Variants in DIP2A observed in about 807,000 individuals in gnomAD.
DIP2A encodes DIP2 acetate--CoA ligase A, also known as disco-interacting protein 2 homolog A.
DIP2A carries 85 observed loss-of-function variants against 177.4 expected under a neutral mutation model. The observed-to-expected ratio is 0.48, with a 90% CI of 0.40 to 0.57. The LOEUF (loss-of-function observed/expected upper bound fraction) is 0.57. Among genes scored for constraint, DIP2A ranks in the 20% least tolerant of loss-of-function variants. The pLI is 0.00. For missense variants in DIP2A, 1,791 were observed against 2,100.2 expected, an observed-to-expected ratio of 0.85 and a Z score of 2.88; for synonymous variants, 886 against 881.8, an observed-to-expected ratio of 1.00 and a Z score of -0.08.
At chr21:46,550,829 C>T in intron 23 of DIP2A, 85 bp downstream of exon 23, 1 of 1,375,782 alleles carries the variant, frequency 7.3e-7, no homozygotes, top group Non-Finnish European at 1.0e-6. Context: ...CCTGCTAGAC[C>T]TCCAGTGCCA....
chr21:46,577,810 GAGC>G, the DIP2A span, among the ~76,000 whole-genome samples: 1 of 152,184 alleles, frequency 6.6e-6, no homozygotes, highest in East Asian at 1.9e-4. Flanking sequence ...TGATTTCCTT[GAGC>G]AGTGGTTTGT....
chr21:46,495,240 T>TCTCTCTCTCTCTCTCTCTCTCTCTC (rs60545868), intron 3 of DIP2A, among the ~76,000 whole-genome samples: 1 of 47,894 alleles, frequency 2.1e-5, no homozygotes, highest in Non-Finnish European at 3.7e-5. Flanking sequence ...TTCTCTTCTC[T>TCTCTCTCTCTCTCTCTCTCTCTCTC]TCTTTCTCTC....
intron 25 of DIP2A, among the ~76,000 whole-genome samples, chr21:46,552,647 A>G (rs1369442405): frequency 6.6e-6 from 1 of 152,244 alleles, no homozygotes; most frequent in Non-Finnish European, 1.5e-5. Context: ...AATTAAAAAA[A>G]TACTTAATGA....
intron 21 of DIP2A, chr21:46,547,356 CT>C: frequency 2.7e-6 from 1 of 368,832 alleles, no homozygotes; most frequent in Non-Finnish European, 3.8e-6. Context: ...GTCTAAGTTC[CT>C]AATAACCTTG....
At chr21:46,538,430 G>A in intron 15 of DIP2A, 53 bp from the exon 16 acceptor site, 1 of 1,529,642 alleles carries the variant, frequency 6.5e-7, no homozygotes, top group Non-Finnish European at 8.8e-7. Flanking sequence ...GTAGGCGTGT[G>A]AGGGTGCCAG....
chr21:46,534,593 C>A lies in DIP2A; in HGVS notation c.1548C>A (p.Thr516=), dbSNP rs772933529. Residue 516 remains threonine, a synonymous_variant, in exon 13 of 38, where the codon ACC becomes ACA. Coordinates refer to ENST00000417564, the MANE Select transcript of DIP2A (RefSeq NM_015151.4). ...GTGTAYIEYK[T]SKEGSTVGVT... ...TCCTTGAAATCTTTCAGTATAAAACCAGCAAAGAAGGCAGTACGGTGGGGG... is the reference window on the plus strand; with the variant it reads ...TCCTTGAAATCTTTCAGTATAAAACAAGCAAAGAAGGCAGTACGGTGGGGG... 9.3e-6 allele frequency: 15 copies of A among 1,613,510 alleles called. No homozygotes were observed. Among genetic ancestry groups the A allele is most frequent in the Non-Finnish European group, 1.3e-5 (15 of 1,179,798 alleles).
chr21:46,460,921 T>G (rs2054240308), intron 1 of DIP2A, among the ~76,000 whole-genome samples: 1 of 152,022 alleles, frequency 6.6e-6, no homozygotes, highest in Non-Finnish European at 1.5e-5. Context: ...CTCAAACTCC[T>G]GACCTCAGGT....
Position 46,532,159 on chromosome 21 carries a change from G to C in DIP2A, c.1227G>C (p.Val409=), listed in dbSNP as rs753316767. The C allele has an allele frequency of 2.5e-6, 4 of 1,613,908 alleles. No homozygotes were observed. In the Admixed American group the frequency reaches 6.7e-5, roughly 27 times the overall value. The change falls in exon 10 of 38, where the codon GTG becomes GTC. Residue 409 remains valine (V), a synonymous_variant. Coordinates refer to ENST00000417564, the MANE Select transcript of DIP2A (RefSeq NM_015151.4). The part of the protein sequence containing the change: ...VALVFPNSDP[V]MFMVAFYGCL... ...TCGTGTTTCCGAATAGTGACCCTGT[G>C]ATGTTCATGGTTGCATTTTATGGGT...
chr21:46,546,438 A>T (rs1435534380), intron 20 of DIP2A: 1 of 397,190 alleles, frequency 2.5e-6, no homozygotes, highest in African/African-American at 2.1e-5. Flanking sequence ...TCTAGTGAGT[A>T]CCTAGAGGCC....
At chr21:46,464,762 G>A (rs1307623035) in intron 1 of DIP2A, among the ~76,000 whole-genome samples, 1 of 145,966 alleles carries the variant, frequency 6.9e-6, no homozygotes, top group Non-Finnish European at 1.5e-5. Flanking sequence ...AGGTTCTGCC[G>A]CTCAACACTG....
At chr21:46,497,633 T>A (rs887606126) in intron 4 of DIP2A, among the ~76,000 whole-genome samples, 2 of 152,238 alleles carry the variant, frequency 1.3e-5, no homozygotes, top group African/African-American at 4.8e-5. Flanking sequence ...ATTTTAGTCT[T>A]CCTGTTAAAC....
At chr21:46,550,848 C>T (rs1410177961) in intron 23 of DIP2A, 104 bp downstream of exon 23, 32 of 1,184,896 alleles carry the variant, frequency 2.7e-5, no homozygotes, top group African/African-American at 4.5e-5. Context: ...CAACTGCCCA[C>T]GTCTTTGGGG....
intron 9 of DIP2A, 99 bp downstream of exon 9, chr21:46,529,282 C>T (rs1257368008): frequency 1.3e-6 from 1 of 794,546 alleles, no homozygotes; most frequent in African/African-American, 1.8e-5. Flanking sequence ...GTTAGAATTA[C>T]AGCATTAATA....
Position 46,556,988 on chromosome 21 carries a change from G to T in DIP2A, c.3548G>T (p.Cys1183Phe). 1 of 1,601,326 alleles carries T rather than the reference G, an allele frequency of 6.2e-7. No homozygotes were observed. The highest frequency in any genetic ancestry group is 8.5e-7 in the Non-Finnish European group (1 of 1,173,706). The change falls in exon 30 of 38, where the codon TGT (cysteine) becomes TTT (phenylalanine). Residue 1183 changes from cysteine (C) to phenylalanine (F), a missense_variant. Coordinates refer to ENST00000417564, the MANE Select transcript of DIP2A (RefSeq NM_015151.4). This position sits in a 1 kb window ranked among gnomAD's most constrained non-coding sequence, Gnocchi z 4.5. ...SALCRSIKLQ[C>F]ELYPSRQIAI... ...TTATGCCGCTCCATAAAGCTGCAGTGTGAGCTGTACCCCTCGCGGCAGATC... is the reference window on the plus strand; with the variant it reads ...TTATGCCGCTCCATAAAGCTGCAGTTTGAGCTGTACCCCTCGCGGCAGATC...
At chr21:46,462,704 C>T (rs915710584) in intron 1 of DIP2A, 1 of 152,136 alleles carries the variant, frequency 6.6e-6, no homozygotes, top group South Asian at 2.1e-4. Flanking sequence ...TGTCACTGTG[C>T]TTGGTAGGTT....
rs182596648 is a variant in DIP2A at position 46,561,671 on chromosome 21, A to G, written c.4032-77A>G. ...ACAGACCCTCAGAGTGATCATTTCC[A>G]ACGTCATGATCTGCCCTTTCAGACA... On this transcript the variant is annotated intron_variant, in intron 33 of 37. Transcript: ENST00000417564. The G allele has an allele frequency of 4.4e-5, 68 of 1,544,276 alleles. 1 individual carries two copies. In the Admixed American group the frequency reaches 9.0e-4, roughly 20 times the overall value.
chr21:46,545,135 A>T lies in DIP2A; in HGVS notation c.2177-2A>T. On this transcript the variant is annotated splice_acceptor_variant, in intron 18 of 37. Transcript: ENST00000417564. LOFTEE classifies it high-confidence loss of function. ...AATTTTGAGTTTTTTTTCTCATTTT[A>T]GCTAATGTATGTGTTGTGAAGTTAG... The T allele has an allele frequency of 1.3e-6, 2 of 1,568,468 alleles. No homozygotes were observed. The highest frequency in any genetic ancestry group is 1.4e-5 in the African/African-American group (1 of 73,306).
At chr21:46,496,579 T>A (rs948836406) in intron 3 of DIP2A, among the ~76,000 whole-genome samples, 1 of 152,052 alleles carries the variant, frequency 6.6e-6, no homozygotes. Context: ...CTAAAAAAAA[T>A]TGCAAAAAAA....
chr21:46,460,645 C>T (rs967845313), intron 1 of DIP2A, among the ~76,000 whole-genome samples: 1 of 152,034 alleles, frequency 6.6e-6, no homozygotes, highest in Non-Finnish European at 1.5e-5. Flanking sequence ...CATGTACTTG[C>T]AACTATTTTG....
Sources: allele counts gnomAD v4.1 joint callset (sites outside exome capture counted in the v4.1 genomes callset), GRCh38; gene constraint gnomAD v4.1.1; non-coding constraint Gnocchi (gnomAD v3.1); transcripts MANE v1.5; gene names NCBI Gene and HGNC (gene_info 2026-07-23, HGNC 2026-07-21).